Variants in MMP26 observed in about 807,000 individuals in gnomAD.
MMP26 encodes matrix metallopeptidase 26, also known as matrix metalloproteinase-26.
In MMP26, 33 loss-of-function variants were observed where a neutral mutation model predicts 31.0. The observed-to-expected ratio is 1.06, with a 90% confidence interval of 0.81 to 1.42. MMP26 has a LOEUF of 1.42. MMP26 is among the 40% of genes most tolerant of loss of function. MMP26 has a pLI of 0.00. For synonymous variants in MMP26, 122 were observed against 114.9 expected (o/e 1.06, Z -0.40); for missense variants, 347 against 316.1 (o/e 1.10, Z -0.74).
chr11:4,968,564 T>C (rs1846626189), intron 2 of MMP26, among the ~76,000 whole-genome samples: 3 of 151,918 alleles, frequency 2.0e-5, no homozygotes, highest in African/African-American at 7.2e-5. Flanking sequence ...TTAAATAGTC[T>C]TTATCATAGC....
intron 1 of MMP26, among the ~76,000 whole-genome samples, chr11:4,713,892 A>G (rs962596008): frequency 9.2e-5 from 14 of 152,124 alleles, no homozygotes; most frequent in Admixed American, 2.6e-4. Context: ...CAGTCCCTTC[A>G]TGGAAACTAT....
chr11:4,988,355 T>C (rs1485081847), intron 3 of MMP26, 45 bp downstream of exon 3: 1 of 1,470,738 alleles, frequency 6.8e-7, no homozygotes. Flanking sequence ...GTGACCATTG[T>C]GGGCTCTTAT....
At chr11:4,907,329 A>T (rs367579428) in intron 2 of MMP26, 1 of 1,358,082 alleles carries the variant, frequency 7.4e-7, no homozygotes, top group East Asian at 2.3e-5. Flanking sequence ...TTTCATTTAT[A>T]TGGTTTCAGA....
intron 2 of MMP26, among the ~76,000 whole-genome samples, chr11:4,970,567 G>T (rs1226937987): frequency 6.6e-6 from 1 of 152,212 alleles, no homozygotes; most frequent in Non-Finnish European, 1.5e-5. Context: ...GAGGTTTATT[G>T]TGGAGGCTGT....
chr11:4,807,552 G>A (rs2133458210), intron 2 of MMP26, among the ~76,000 whole-genome samples: 1 of 150,800 alleles, frequency 6.6e-6, no homozygotes, highest in South Asian at 2.1e-4. Flanking sequence ...TTACTCATAG[G>A]TGGGAGTTGA....
At chr11:4,893,205 A>G (rs1291687542) in intron 2 of MMP26, among the ~76,000 whole-genome samples, 2 of 152,274 alleles carry the variant, frequency 1.3e-5, no homozygotes, top group East Asian at 1.9e-4. Context: ...TGGATCAAAT[A>G]AACTTCTGTT....
At chr11:4,989,181 A>G (rs1846954988) in intron 3 of MMP26, among the ~76,000 whole-genome samples, 1 of 152,242 alleles carries the variant, frequency 6.6e-6, no homozygotes, top group South Asian at 2.1e-4. Flanking sequence ...TAGGTAAACA[A>G]CGGGCTCTTT....
chr11:4,811,889 T>C (rs7927189), intron 2 of MMP26, among the ~76,000 whole-genome samples: 79,299 of 151,988 alleles, frequency 0.52, 22,392 homozygotes, highest in Middle Eastern at 0.66. Flanking sequence ...GTCAGAATTT[T>C]TCTGATTGAT....
chr11:4,965,602 C>G (rs1846582094), intron 2 of MMP26, among the ~76,000 whole-genome samples: 1 of 152,122 alleles, frequency 6.6e-6, no homozygotes, highest in South Asian at 2.1e-4. Context: ...ACTAGAAAGA[C>G]TACAGGGAAA....
At chr11:4,914,700 G>A in intron 2 of MMP26, 1 of 1,556,138 alleles carries the variant, frequency 6.4e-7, no homozygotes, top group South Asian at 1.1e-5. Flanking sequence ...GGAGACAGTG[G>A]CTCTAACACT....
chr11:4,844,039 G>A (rs1214789375), intron 2 of MMP26, among the ~76,000 whole-genome samples: 2 of 151,994 alleles, frequency 1.3e-5, no homozygotes, highest in African/African-American at 4.8e-5. Flanking sequence ...GCCAGACTAA[G>A]AAAGAATAAG....
At chr11:4,800,157 C>T (rs1849162433) in intron 2 of MMP26, among the ~76,000 whole-genome samples, 1 of 152,228 alleles carries the variant, frequency 6.6e-6, no homozygotes, top group Admixed American at 6.5e-5. Flanking sequence ...ACCACATTTC[C>T]CTTCAGCGCT....
intron 2 of MMP26, among the ~76,000 whole-genome samples, chr11:4,842,113 TA>T (rs1360214740): frequency 2.6e-5 from 4 of 151,828 alleles, no homozygotes; most frequent in Admixed American, 2.6e-4. Flanking sequence ...AATAAATAAA[TA>T]AAAAATAATA....
chr11:4,714,962 C>T (rs1847908578), intron 1 of MMP26, among the ~76,000 whole-genome samples: 1 of 148,676 alleles, frequency 6.7e-6, no homozygotes, highest in East Asian at 2.0e-4. Context: ...ACACACATTA[C>T]TCAGTTTGTG....
chr11:4,849,905 G>T (rs1424626478), intron 2 of MMP26, among the ~76,000 whole-genome samples: 1 of 152,170 alleles, frequency 6.6e-6, no homozygotes, highest in African/African-American at 2.4e-5. Flanking sequence ...GTGGTATTTT[G>T]TTACATGCAT....
chr11:4,817,581 C>A (rs1244261893), intron 2 of MMP26, among the ~76,000 whole-genome samples: 1 of 151,940 alleles, frequency 6.6e-6, no homozygotes, highest in East Asian at 1.9e-4. Flanking sequence ...AGTGAGACTG[C>A]ATCTTAAAAA....
At chr11:4,971,814 G>A (rs1237583166) in intron 2 of MMP26, among the ~76,000 whole-genome samples, 5 of 152,130 alleles carry the variant, frequency 3.3e-5, no homozygotes, top group African/African-American at 1.2e-4. Flanking sequence ...AAGGGGAAAG[G>A]GAGAAGGTAT....
intron 2 of MMP26, among the ~76,000 whole-genome samples, chr11:4,920,199 A>G (rs1479686195): frequency 6.6e-6 from 1 of 152,158 alleles, no homozygotes; most frequent in Non-Finnish European, 1.5e-5. Context: ...GGTCTCTTTA[A>G]GAAACCTAAG....
At chr11:4,881,066 G>A (rs996940299) in intron 2 of MMP26, among the ~76,000 whole-genome samples, 2 of 152,104 alleles carry the variant, frequency 1.3e-5, no homozygotes, top group South Asian at 4.1e-4. Flanking sequence ...AAGAGAGAAA[G>A]CACTAATATA....
Sources: allele counts gnomAD v4.1 joint callset (sites outside exome capture counted in the v4.1 genomes callset), GRCh38; gene constraint gnomAD v4.1.1; transcripts MANE v1.5; gene names NCBI Gene and HGNC (gene_info 2026-07-23, HGNC 2026-07-21).